The following RASGEF1B variants were observed in gnomAD, a reference collection of about 807,000 sequenced individuals.
RASGEF1B encodes the protein RasGEF domain family member 1B.
Under a neutral mutation model 65.7 loss-of-function variants are expected in RASGEF1B, and 30 were observed. The ratio of observed to expected loss-of-function variants is 0.46; its 90% CI spans 0.34 to 0.62. The LOEUF (loss-of-function observed/expected upper bound fraction) is 0.62. Ranked by LOEUF, RASGEF1B falls within the 20% of genes least tolerant of loss-of-function variation. The pLI is 0.01. For synonymous variants in RASGEF1B, 175 were observed against 194.8 expected, an observed-to-expected ratio of 0.90 and a Z score of 0.85; for missense variants, 495 against 580.1, an observed-to-expected ratio of 0.85 and a Z score of 1.51.
Position 81,445,855 on chromosome 4 carries a change from G to A in RASGEF1B, c.730-17C>T, listed in dbSNP as rs1722004734. 4.4e-6 allele frequency: 7 copies of A among 1,585,564 alleles called. No individual in the cohort carries two copies. Among genetic ancestry groups the A allele is most frequent in the Middle Eastern group, 3.3e-4 (2 of 5,996 alleles). On this transcript the variant is annotated splice_polypyrimidine_tract_variant and intron_variant, in intron 6 of 13. Coordinates refer to ENST00000264400, the MANE Select transcript of RASGEF1B (RefSeq NM_152545.3). ...GTAGCAACTCTTTAGAGAAAACAAA[G>A]TAAACAGATGAGTTAGAGGAAAAAA...
chr4:81,470,305 T>C (rs1345958539), intron 1 of RASGEF1B, among the ~76,000 whole-genome samples: 1 of 152,362 alleles, frequency 6.6e-6, no homozygotes, highest in East Asian at 1.9e-4. Flanking sequence ...CAACCAGGTA[T>C]ATACGCTGCT....
At chr4:81,442,268 C>A in intron 9 of RASGEF1B, 29 bp downstream of exon 9, 1 of 1,492,288 alleles carries the variant, frequency 6.7e-7, no homozygotes, top group Non-Finnish European at 9.4e-7. Context: ...TAAAGTGTTA[C>A]TTAACAGCAA....
rs762547429 is a variant in RASGEF1B at position 81,447,540 on chromosome 4, C to T, written c.693G>A (p.Gln231=). Residue 231 remains glutamine (Q), a synonymous_variant, in exon 6 of 14, where the codon CAG becomes CAA. Transcript: ENST00000264400. Reference sequence around the variant, plus strand: ...CCAAAGGGTCCTTCTGCACGAACGCCTGAACAAATTCTTCTGGCCCAATAT... The same window carrying T: ...CCAAAGGGTCCTTCTGCACGAACGCTTGAACAAATTCTTCTGGCCCAATAT... The part of the protein sequence containing the change: ...LNYIGPEEFV[Q]AFVQKDPLDN... The T allele has an allele frequency of 6.2e-7, 1 of 1,613,894 alleles. No individual in the cohort carries two copies. Among genetic ancestry groups the T allele is most frequent in the African/African-American group, 1.3e-5 (1 of 74,884 alleles).
At chr4:81,446,483 G>A (rs773321075) in intron 6 of RASGEF1B, among the ~76,000 whole-genome samples, 26 of 152,286 alleles carry the variant, frequency 1.7e-4, no homozygotes, top group East Asian at 9.7e-4. Context: ...AAACAATCCC[G>A]ACTCAGATAG....
In RASGEF1B at chr4:81,471,888, T is replaced by C. The variant is rs1319393766; in HGVS notation, c.-125A>G. 5 of 152,616 alleles carry C rather than the reference T, an allele frequency of 3.3e-5. No homozygotes were observed. The highest frequency in any genetic ancestry group is 7.3e-5 in the Non-Finnish European group (5 of 68,056). 9.5% of individuals were successfully genotyped at this position (152,616 alleles called of 1,614,324 possible). On this transcript the variant is annotated 5_prime_UTR_variant, in exon 1 of 14. Coordinates refer to ENST00000264400, the MANE Select transcript of RASGEF1B (RefSeq NM_152545.3). ...AGAAAAACAAAATCTGTCTAACCAG[T>C]CGGGTTCCTTGTTTATACTGAAACT...
At chr4:81,430,005 A>G (rs1003566927) in intron 13 of RASGEF1B, among the ~76,000 whole-genome samples, 2 of 152,124 alleles carry the variant, frequency 1.3e-5, no homozygotes, top group Non-Finnish European at 2.9e-5. Context: ...ATAGGCGGAG[A>G]GCTACTTCCA....
intron 8 of RASGEF1B, among the ~76,000 whole-genome samples, 154 bp from the exon 9 acceptor site, chr4:81,442,530 G>C (rs1276098636): frequency 1.3e-5 from 2 of 152,120 alleles, no homozygotes; most frequent in Non-Finnish European, 2.9e-5. Flanking sequence ...TTTTTTGTTT[G>C]CAAATTCTGA....
rs943385017 is a variant in RASGEF1B at position 81,463,500 on chromosome 4, C to CA, written c.-6-3987dup. 1.6e-4 allele frequency among the ~76,000 whole-genome samples: 25 copies of CA among 151,816 alleles called. 1 individual carries two copies. The highest frequency in any genetic ancestry group is 4.2e-4 in the South Asian group (2 of 4,818). On this transcript the variant is annotated intron_variant, in intron 1 of 13. Coordinates refer to ENST00000264400, the MANE Select transcript of RASGEF1B (RefSeq NM_152545.3). The stretch of plus-strand genomic sequence containing the variant: ...TTGTGTGTACTTTATAGATTTCCGG[C>CA]AAAAAAAATTTAATGAAAGAAATGA...
chr4:81,470,215 T>C (rs1722972958), intron 1 of RASGEF1B, among the ~76,000 whole-genome samples: 1 of 152,204 alleles, frequency 6.6e-6, no homozygotes, highest in Admixed American at 6.5e-5. Context: ...CAGCAAATAA[T>C]TTTTATTTCT....
chr4:81,460,231 G>A (rs1722595288), intron 1 of RASGEF1B, among the ~76,000 whole-genome samples: 1 of 152,182 alleles, frequency 6.6e-6, no homozygotes, highest in Non-Finnish European at 1.5e-5. Flanking sequence ...CACTGTGACA[G>A]TCCTGAGATA....
intron 1 of RASGEF1B, among the ~76,000 whole-genome samples, chr4:81,468,245 T>A (rs1032605620): frequency 6.6e-6 from 1 of 152,210 alleles, no homozygotes; most frequent in South Asian, 2.1e-4. Context: ...GGATGTTTAT[T>A]AAAAAGTAGA....
At chr4:81,431,966 A>G (rs1246866706) in intron 13 of RASGEF1B, among the ~76,000 whole-genome samples, 2 of 152,242 alleles carry the variant, frequency 1.3e-5, no homozygotes, top group Admixed American at 6.5e-5. Context: ...TAGTGTCAGA[A>G]GAACTCTTCA....
chr4:81,457,248 C>A (rs939357050), intron 3 of RASGEF1B, among the ~76,000 whole-genome samples: 1 of 152,128 alleles, frequency 6.6e-6, no homozygotes, highest in African/African-American at 2.4e-5. Context: ...AACTCCTGAC[C>A]TCAGGTGATC....
At chr4:81,444,898 T>C (rs986633672) in intron 8 of RASGEF1B, among the ~76,000 whole-genome samples, 3 of 152,224 alleles carry the variant, frequency 2.0e-5, no homozygotes, top group African/African-American at 7.2e-5. Flanking sequence ...TAATTGATCA[T>C]ACAAACTAGG....
intron 12 of RASGEF1B, among the ~76,000 whole-genome samples, chr4:81,433,088 G>T (rs1413575741): frequency 1.3e-5 from 2 of 151,536 alleles, no homozygotes; most frequent in Non-Finnish European, 2.9e-5. Context: ...AATTAATCAG[G>T]CATGGTGGTG....
chr4:81,439,091 A>C (rs757691286), intron 10 of RASGEF1B, among the ~76,000 whole-genome samples: 29 of 152,016 alleles, frequency 1.9e-4, no homozygotes, highest in Non-Finnish European at 3.7e-4. Context: ...TATTCCTTTG[A>C]GTATATACCC....
chr4:81,439,738 A>G (rs912147582), intron 10 of RASGEF1B, among the ~76,000 whole-genome samples: 1 of 152,192 alleles, frequency 6.6e-6, no homozygotes, highest in African/African-American at 2.4e-5. Flanking sequence ...CAATCTAATC[A>G]CAAGAGTACT....
chr4:81,458,478 A>G (rs935211982), intron 2 of RASGEF1B, among the ~76,000 whole-genome samples: 2 of 152,228 alleles, frequency 1.3e-5, no homozygotes, highest in Admixed American at 6.5e-5. Context: ...CACTATGGTG[A>G]ATTACTGCGG....
intron 1 of RASGEF1B, among the ~76,000 whole-genome samples, chr4:81,468,378 T>C (rs1722919011): frequency 1.3e-5 from 2 of 152,314 alleles, no homozygotes; most frequent in South Asian, 4.1e-4. Context: ...AAGATATTGG[T>C]AGTCCAGGCT....
Sources: gnomAD v4.1 joint callset for allele counts (sites outside exome capture counted in the v4.1 genomes callset) on GRCh38, gnomAD v4.1.1 for gene constraint, MANE v1.5 for transcripts, NCBI Gene and HGNC (gene_info 2026-07-23, HGNC 2026-07-21) for gene names.